The following MFHAS1 variants were observed in gnomAD, a reference collection of about 807,000 sequenced individuals.
MFHAS1 encodes the protein malignant fibrous histiocytoma-amplified sequence 1.
In MFHAS1, 50 loss-of-function variants were observed where a neutral mutation model predicts 70.4. The ratio of observed to expected loss-of-function variants is 0.71; its 90% CI spans 0.57 to 0.90. The LOEUF (loss-of-function observed/expected upper bound fraction) is 0.90. Among genes scored for constraint, MFHAS1 ranks in the 40% least tolerant of loss-of-function variants. MFHAS1 has a pLI of 0.00. For missense variants in MFHAS1, 1,795 were observed against 1,347.6 expected, an observed-to-expected ratio of 1.33 and a Z score of -5.20; for synonymous variants, 952 against 620.0, an observed-to-expected ratio of 1.54 and a Z score of -7.96.
At chr8:8,861,744 T>C (rs1029383545) in intron 1 of MFHAS1, among the ~76,000 whole-genome samples, 2 of 152,164 alleles carry the variant, frequency 1.3e-5, no homozygotes, top group Admixed American at 1.3e-4. Flanking sequence ...CCCTTCCCCA[T>C]ACCACCGGCC....
At chr8:8,854,733 A>C (rs1421047427) in intron 1 of MFHAS1, among the ~76,000 whole-genome samples, 1 of 152,172 alleles carries the variant, frequency 6.6e-6, no homozygotes, top group South Asian at 2.1e-4. Context: ...TGACTAAATC[A>C]GAACATCACA....
At chr8:8,846,230 G>C (rs1380621805) in intron 1 of MFHAS1, among the ~76,000 whole-genome samples, 1 of 133,686 alleles carries the variant, frequency 7.5e-6, no homozygotes, top group African/African-American at 2.8e-5. Flanking sequence ...TCCAGCCTGA[G>C]CGACAGAGCG....
intron 1 of MFHAS1, among the ~76,000 whole-genome samples, chr8:8,816,175 G>A (rs879348779): frequency 1.3e-5 from 2 of 152,198 alleles, no homozygotes; most frequent in Non-Finnish European, 1.5e-5. Flanking sequence ...GGAAGGAATG[G>A]AAGTGAGCAA....
intron 1 of MFHAS1, among the ~76,000 whole-genome samples, chr8:8,866,862 G>A (rs1267298765): frequency 2.0e-5 from 3 of 152,206 alleles, no homozygotes; most frequent in Non-Finnish European, 4.4e-5. Flanking sequence ...ATCGTGATAT[G>A]AATTCATGAA....
At chr8:8,792,890 G>A (rs772188568) in intron 2 of MFHAS1, among the ~76,000 whole-genome samples, 62 of 151,734 alleles carry the variant, frequency 4.1e-4, no homozygotes, top group Admixed American at 4.6e-4. Context: ...TTTTCAGAGC[G>A]ACCCAGGCAA....
At chr8:8,843,721 A>G (rs1015644284) in intron 1 of MFHAS1, among the ~76,000 whole-genome samples, 3 of 152,136 alleles carry the variant, frequency 2.0e-5, no homozygotes, top group African/African-American at 4.8e-5. Flanking sequence ...GCAGAGGCTC[A>G]TTTCTCCCCA....
chr8:8,857,990 T>C (rs1808507950), intron 1 of MFHAS1, among the ~76,000 whole-genome samples: 1 of 152,130 alleles, frequency 6.6e-6, no homozygotes, highest in Non-Finnish European at 1.5e-5. Flanking sequence ...CCAAGATGAT[T>C]CAAATAGCTG....
At chr8:8,806,977 C>T (rs1806313663) in intron 1 of MFHAS1, among the ~76,000 whole-genome samples, 1 of 151,464 alleles carries the variant, frequency 6.6e-6, no homozygotes, top group Non-Finnish European at 1.5e-5. Context: ...AAAAAGAAAA[C>T]ACAGAAAGGA....
Position 8,892,238 on chromosome 8 carries a change from C to A in MFHAS1, c.821G>T (p.Arg274Leu). Residue 274 changes from arginine to leucine, a missense_variant, in exon 1 of 3, where the codon CGG becomes CTG. Physicochemically the swap from Arg to Leu is moderately radical, Grantham distance 102 (BLOSUM62 -2). Coordinates refer to ENST00000276282, the MANE Select transcript of MFHAS1 (RefSeq NM_004225.3). This position sits in a 1 kb window ranked among gnomAD's most constrained non-coding sequence, Gnocchi z 4.7. ...GGAGGAGAGGTTGAGCATTTTGAGC[C>A]GCTGCAGGCAGCTGAACTGGGCGGG... Reference protein sequence around the residue: ...ALPAQFSCLQRLKMLNLSSNL... With the variant: ...ALPAQFSCLQLLKMLNLSSNL... 1.9e-6 allele frequency: 3 copies of A among 1,611,550 alleles called. No individual in the cohort carries two copies. The highest frequency in any genetic ancestry group is 1.7e-6 in the Non-Finnish European group (2 of 1,180,012).
At chr8:8,888,701 G>A (rs988175622) in intron 1 of MFHAS1, among the ~76,000 whole-genome samples, 1 of 152,122 alleles carries the variant, frequency 6.6e-6, no homozygotes, top group African/African-American at 2.4e-5. Context: ...TGCCGGGGTT[G>A]GGGGGAATGA....
intron 1 of MFHAS1, among the ~76,000 whole-genome samples, chr8:8,883,337 T>A (rs140845981): frequency 2.0e-3 from 300 of 152,070 alleles, no homozygotes; most frequent in African/African-American, 6.3e-3. Flanking sequence ...CCCGCTGGTT[T>A]TCAAAACAAA....
rs770880436 is a variant in MFHAS1, at chr8:8,891,964, G to A, written c.1095C>T (p.Ser365=). 2 of 1,612,484 alleles carry A rather than the reference G, an allele frequency of 1.2e-6. No individual in the cohort carries two copies. Among genetic ancestry groups the A allele is most frequent in the Non-Finnish European group, 1.7e-6 (2 of 1,179,260 alleles). The change falls in exon 1 of 3, where the codon TCC becomes TCT. Residue 365 remains serine, a synonymous_variant. Coordinates refer to ENST00000276282, the MANE Select transcript of MFHAS1 (RefSeq NM_004225.3). The surrounding 1 kb of genome is among the most constrained non-coding windows in gnomAD (Gnocchi z 5.4). ...CTTTGATCTTCCACAAACCCACCCG[G>A]GAGAGCTGGCCAAAGTGGTCGGGCA... ...AVLPDHFGQL[S]RVGLWKIKDN...
At chr8:8,786,921 C>T (rs1173866067) in intron 2 of MFHAS1, among the ~76,000 whole-genome samples, 1 of 151,656 alleles carries the variant, frequency 6.6e-6, no homozygotes, top group African/African-American at 2.4e-5. Context: ...ATCACCAAAA[C>T]AAAGCAAAGC....
chr8:8,823,271 A>G (rs892929842), intron 1 of MFHAS1, among the ~76,000 whole-genome samples: 1 of 152,388 alleles, frequency 6.6e-6, no homozygotes, highest in African/African-American at 2.4e-5. Context: ...TTATAAAAAC[A>G]GCTTCTGAAG....
At chr8:8,813,517 G>C (rs1806627383) in intron 1 of MFHAS1, among the ~76,000 whole-genome samples, 1 of 152,116 alleles carries the variant, frequency 6.6e-6, no homozygotes, top group Admixed American at 6.5e-5. Flanking sequence ...TGATGATCCT[G>C]ACCCTGTGTA....
chr8:8,863,146 G>C (rs1250742590), intron 1 of MFHAS1, among the ~76,000 whole-genome samples: 1 of 152,054 alleles, frequency 6.6e-6, no homozygotes, highest in African/African-American at 2.4e-5. Flanking sequence ...TAATCAATTG[G>C]GCATGTATGT....
intron 1 of MFHAS1, among the ~76,000 whole-genome samples, chr8:8,828,995 C>G (rs184167817): frequency 1.2e-4 from 19 of 152,290 alleles, no homozygotes; most frequent in Admixed American, 9.2e-4. Flanking sequence ...CAGCCTTCTT[C>G]CTACAATGCA....
At position 8,892,593 on chromosome 8, in the gene MFHAS1, C is replaced by G. The variant is rs764335162; in HGVS notation, c.466G>C (p.Ala156Pro). The G allele has an allele frequency of 1.2e-6, 2 of 1,607,386 alleles. No homozygotes were observed. Among genetic ancestry groups the G allele is most frequent in the Admixed American group, 1.7e-5 (1 of 59,000 alleles). Reference sequence around the variant, plus strand: ...TCCAGCTCCTCCAGGTGAGCGAGAGCGCCCAGCTGGGCGGGCAGGGCGGGC... The same window carrying G: ...TCCAGCTCCTCCAGGTGAGCGAGAGGGCCCAGCTGGGCGGGCAGGGCGGGC... ...QLPALPAQLG[A>P]LAHLEELDVS... The change falls in exon 1 of 3, where the codon GCT becomes CCT. Residue 156 changes from alanine to proline, a missense_variant. Transcript: ENST00000276282. This position sits in a 1 kb window ranked among gnomAD's most constrained non-coding sequence, Gnocchi z 4.7.
At position 8,826,789 on chromosome 8, in the gene MFHAS1, C is replaced by T. The variant is rs117452681; in HGVS notation, c.2999-29298G>A. On this transcript the variant is annotated intron_variant, in intron 1 of 2. Transcript: ENST00000276282. ...ATTTTGGGTTTTCCGATTCCAACTT[C>T]TTACCTTCCTCCTTACATCTTTTTT... Among the ~76,000 whole-genome samples the T allele has an allele frequency of 7.4e-4, 113 of 152,280 alleles. No individual in the cohort carries two copies. In the East Asian group the frequency reaches 0.019, roughly 26 times the overall value.
Sources: allele counts gnomAD v4.1 joint callset (sites outside exome capture counted in the v4.1 genomes callset), GRCh38; gene constraint gnomAD v4.1.1; non-coding constraint Gnocchi (gnomAD v3.1); transcripts MANE v1.5; gene names NCBI Gene and HGNC (gene_info 2026-07-23, HGNC 2026-07-21).